The following HS1BP3 variants were observed in gnomAD, a reference collection of about 807,000 sequenced individuals.
HS1BP3 encodes HCLS1 binding protein 3.
A neutral mutation model predicts 33.5 loss-of-function variants in HS1BP3; 32 were observed. The ratio of observed to expected loss-of-function variants is 0.95; its 90% CI spans 0.72 to 1.28. The LOEUF is 1.28. HS1BP3 is among the 50% of genes most tolerant of loss of function. The probability of loss-of-function intolerance (pLI) is 0.00; values close to 1 mark genes in which losing one functional copy is unlikely to be tolerated. For missense variants in HS1BP3, 486 were observed against 502.3 expected (o/e 0.97, Z 0.31); for synonymous variants, 187 against 209.2 (o/e 0.89, Z 0.92).
chr2:20,590,514 G>C (rs1240378988), downstream of HS1BP3, among the ~76,000 whole-genome samples: 1 of 152,186 alleles, frequency 6.6e-6, no homozygotes, highest in Non-Finnish European at 1.5e-5. Context: ...TCCCCTTGGC[G>C]ATCTCTGGTT....
At chr2:20,565,732 C>G (rs914881943) in intron 5 of HS1BP3, among the ~76,000 whole-genome samples, 2 of 152,238 alleles carry the variant, frequency 1.3e-5, no homozygotes, top group Non-Finnish European at 2.9e-5. Context: ...GGGAGCAGGG[C>G]TCTCCAGGGC....
At chr2:20,563,638 G>A (rs558984993) in intron 5 of HS1BP3, among the ~76,000 whole-genome samples, 45 of 152,232 alleles carry the variant, frequency 3.0e-4, no homozygotes, top group African/African-American at 1.0e-3. Flanking sequence ...GATGGAGAGT[G>A]GCAGATTTGG....
At chr2:20,607,100 G>C (rs1007343308) in intron 2 of HS1BP3, among the ~76,000 whole-genome samples, 13 of 151,090 alleles carry the variant, frequency 8.6e-5, no homozygotes, top group African/African-American at 3.2e-4. Flanking sequence ...CTTATATTTA[G>C]GTCTTTGATT....
In HS1BP3 at chr2:20,619,003, GCGGCC is replaced by G; in HGVS notation, c.1158_1162del (p.Gln386HisfsTer110). 1 of 1,613,868 alleles carries G rather than the reference GCGGCC, an allele frequency of 6.2e-7. No individual in the cohort carries two copies. Among genetic ancestry groups the G allele is most frequent in the Non-Finnish European group, 8.5e-7 (1 of 1,179,900 alleles). ...ATGGAAGGGTCAGAAGAGGCTGGGG[GCGGCC>G]TGGGCTGGTGTATCGTGGTCCTGGA... On this transcript the variant is annotated frameshift_variant, in exon 7 of 7. Transcript: ENST00000304031. LOFTEE classifies it high-confidence loss of function.
chr2:20,567,738 A>G (rs1363854398), intron 5 of HS1BP3, among the ~76,000 whole-genome samples: 2 of 152,178 alleles, frequency 1.3e-5, no homozygotes, highest in Non-Finnish European at 2.9e-5. Flanking sequence ...TCACTCTCTG[A>G]CCTGTGACCT....
chr2:20,575,139 C>T (rs967261250), intron 5 of HS1BP3, among the ~76,000 whole-genome samples: 3 of 152,242 alleles, frequency 2.0e-5, no homozygotes, highest in African/African-American at 7.2e-5. Flanking sequence ...TGTTGTTGGG[C>T]ATTTGTTTGG....
chr2:20,606,315 C>A, intron 2 of HS1BP3: 1 of 464,384 alleles, frequency 2.2e-6, no homozygotes. Flanking sequence ...GCATCTCCAC[C>A]CTTGGTATTT....
chr2:20,608,905 T>G (rs1324341936), intron 2 of HS1BP3, among the ~76,000 whole-genome samples: 6 of 152,308 alleles, frequency 3.9e-5, no homozygotes, highest in Admixed American at 6.5e-5. Context: ...CTCTCCTCCC[T>G]GGCCCTCTCC....
At chr2:20,621,252 T>A (rs1476902664) in intron 6 of HS1BP3, among the ~76,000 whole-genome samples, 1 of 152,222 alleles carries the variant, frequency 6.6e-6, no homozygotes, top group Non-Finnish European at 1.5e-5. Flanking sequence ...CAGGGGTGGA[T>A]GCCTGCCTGG....
downstream of HS1BP3, among the ~76,000 whole-genome samples, chr2:20,616,673 C>T (rs920398910): frequency 2.0e-5 from 3 of 152,304 alleles, no homozygotes; most frequent in Non-Finnish European, 2.9e-5. Context: ...GACCAGAATC[C>T]TCCCCTTCCC....
At chr2:20,643,047 A>ATTC (rs1281185431) in intron 2 of HS1BP3, among the ~76,000 whole-genome samples, 3 of 152,234 alleles carry the variant, frequency 2.0e-5, no homozygotes, top group African/African-American at 7.2e-5. Flanking sequence ...ATGCTCATTA[A>ATTC]TTCTTTGAGT....
At chr2:20,583,660 T>C (rs1445957936) in intron 5 of HS1BP3, among the ~76,000 whole-genome samples, 2 of 152,174 alleles carry the variant, frequency 1.3e-5, no homozygotes, top group East Asian at 3.8e-4. Context: ...ACATCATCTC[T>C]CATGGTGGGA....
chr2:20,631,222 A>C (rs1558344216), intron 4 of HS1BP3, among the ~76,000 whole-genome samples: 1 of 152,028 alleles, frequency 6.6e-6, no homozygotes, highest in South Asian at 2.1e-4. Context: ...TTAAAAAGCA[A>C]ATGGGGCCAG....
chr2:20,626,634 G>A (rs939778545), intron 4 of HS1BP3, among the ~76,000 whole-genome samples: 3 of 152,208 alleles, frequency 2.0e-5, no homozygotes, highest in Admixed American at 2.0e-4. Flanking sequence ...GAGCAGAGAC[G>A]CAGTGGCAGG....
chr2:20,625,677 T>C (rs147715781), intron 4 of HS1BP3, among the ~76,000 whole-genome samples: 2 of 152,316 alleles, frequency 1.3e-5, no homozygotes, highest in Admixed American at 6.5e-5. Flanking sequence ...CCAGGTCCCA[T>C]TACAGTGCAC....
rs541162473 is a variant in HS1BP3, at chr2:20,611,287, G to A, written c.178+12609C>T. 9.2e-5 allele frequency among the ~76,000 whole-genome samples: 14 copies of A among 152,196 alleles called. No homozygotes were observed. Among genetic ancestry groups the A allele is most frequent in the Non-Finnish European group, 1.8e-4 (12 of 68,034 alleles). The stretch of plus-strand genomic sequence containing the variant: ...AACATTCGTGTCTAAGTCTTTGTGT[G>A]TGTGGCTTCTTTTCGAAGGAAGGGG... On this transcript the variant is annotated intron_variant, in intron 2 of 3. Coordinates refer to the HS1BP3 transcript ENST00000415264. The surrounding 1 kb of genome is among the most constrained non-coding windows in gnomAD (Gnocchi z 4.9).
chr2:20,571,134 A>G (rs1490926585), intron 5 of HS1BP3, among the ~76,000 whole-genome samples: 1 of 152,154 alleles, frequency 6.6e-6, no homozygotes, highest in Non-Finnish European at 1.5e-5. Flanking sequence ...TGTTTGCTAG[A>G]CTTTGCGGTT....
intron 6 of HS1BP3, among the ~76,000 whole-genome samples, chr2:20,621,453 G>C (rs1471012987): frequency 6.6e-6 from 1 of 152,244 alleles, no homozygotes; most frequent in African/African-American, 2.4e-5. Context: ...CAGCTGTCTT[G>C]GGGTAGAGGT....
the HS1BP3 span, among the ~76,000 whole-genome samples, chr2:20,553,968 T>C: frequency 6.6e-6 from 1 of 152,166 alleles, no homozygotes; most frequent in Admixed American, 6.5e-5. Context: ...TGAAGGACGG[T>C]TTAGTATTCA....
Sources: gnomAD v4.1 joint callset for allele counts (sites outside exome capture counted in the v4.1 genomes callset) on GRCh38, gnomAD v4.1.1 for gene constraint, Gnocchi (gnomAD v3.1) non-coding constraint, MANE v1.5 for transcripts, NCBI Gene and HGNC (gene_info 2026-07-23, HGNC 2026-07-21) for gene names.